The following TPST1 variants were observed in gnomAD, a reference collection of about 807,000 sequenced individuals.
TPST1 encodes the protein tyrosylprotein sulfotransferase 1.
Under a neutral mutation model 34.8 loss-of-function variants are expected in TPST1, and 20 were observed. The observed-to-expected ratio is 0.57, with a 90% confidence interval of 0.40 to 0.84. The LOEUF (loss-of-function observed/expected upper bound fraction) is 0.84. Among genes scored for constraint, TPST1 ranks in the 40% least tolerant of loss-of-function variants. The pLI, the probability that TPST1 is intolerant of heterozygous loss-of-function variation, is 0.00. For synonymous variants in TPST1, 152 were observed against 159.4 expected (o/e 0.95, Z 0.35); for missense variants, 353 against 455.5 (o/e 0.78, Z 2.05).
intron 4 of TPST1, among the ~76,000 whole-genome samples, chr7:66,354,522 CAAAAAAAAAAAAA>C (rs66521537): frequency 6.3e-3 from 381 of 60,816 alleles, no homozygotes; most frequent in Admixed American, 0.011. Flanking sequence ...GAGTCTGTCT[CAAAAAAAAAAAAA>C]AAAAAAAAAA....
At chr7:66,337,390 A>G (rs1311631840) in intron 3 of TPST1, among the ~76,000 whole-genome samples, 1 of 149,068 alleles carries the variant, frequency 6.7e-6, no homozygotes, top group East Asian at 2.0e-4. Flanking sequence ...GCTCACTGCA[A>G]CCTGCACCTC....
intron 3 of TPST1, among the ~76,000 whole-genome samples, chr7:66,350,733 T>C (rs1792459831): frequency 6.6e-6 from 1 of 152,142 alleles, no homozygotes; most frequent in South Asian, 2.1e-4. Flanking sequence ...CCAATAACTT[T>C]CCTTAGTTTC....
At chr7:66,217,154 A>G (rs911877439) in intron 1 of TPST1, among the ~76,000 whole-genome samples, 5 of 152,196 alleles carry the variant, frequency 3.3e-5, no homozygotes, top group Non-Finnish European at 7.3e-5. Context: ...TGAGAACAAT[A>G]TATATTTTGC....
chr7:66,334,677 T>C (rs2116292183), intron 3 of TPST1, among the ~76,000 whole-genome samples: 1 of 149,184 alleles, frequency 6.7e-6, no homozygotes. Flanking sequence ...AATATCAACC[T>C]GAGTTCACCA....
intron 1 of TPST1, among the ~76,000 whole-genome samples, chr7:66,211,839 G>T (rs571916989): frequency 4.6e-5 from 7 of 152,282 alleles, no homozygotes; most frequent in African/African-American, 1.7e-4. Context: ...GGTGGTGGGT[G>T]CCTGTAGTCC....
At position 66,286,649 on chromosome 7, in the gene TPST1, A is replaced by G. The variant is rs754817303; in HGVS notation, c.984A>G (p.Pro328=). 9.4e-6 allele frequency: 15 copies of G among 1,601,948 alleles called. No homozygotes were observed. In the Admixed American group the frequency reaches 1.0e-4, roughly 11 times the overall value. ...APMLAKLGYD[P]YANPPNYGKP... Reference sequence around the variant, plus strand: ...TGCTTGCCAAGCTTGGATATGACCCATATGCCAACCCACCTAACTACGGAA... The same window carrying G: ...TGCTTGCCAAGCTTGGATATGACCCGTATGCCAACCCACCTAACTACGGAA... Residue 328 remains proline (P), a synonymous_variant, in exon 3 of 6, where the codon CCA becomes CCG. Transcript: ENST00000304842.
chr7:66,341,809 T>A (rs1306202323), intron 3 of TPST1, among the ~76,000 whole-genome samples: 1 of 152,138 alleles, frequency 6.6e-6, no homozygotes, highest in Non-Finnish European at 1.5e-5. Context: ...AAATCATAAA[T>A]GAACTGTAAT....
intron 1 of TPST1, among the ~76,000 whole-genome samples, chr7:66,218,410 T>A (rs1789469878): frequency 6.6e-6 from 1 of 152,234 alleles, no homozygotes; most frequent in Admixed American, 6.5e-5. Context: ...TTAATGTATG[T>A]AACATTTAAT....
chr7:66,320,845 G>A (rs925022199), intron 3 of TPST1, among the ~76,000 whole-genome samples: 4 of 152,094 alleles, frequency 2.6e-5, no homozygotes, highest in Admixed American at 2.0e-4. Context: ...TGATCTGCCC[G>A]CCTCAGCCTC....
At chr7:66,217,351 CATGT>C (rs1191265318) in intron 1 of TPST1, among the ~76,000 whole-genome samples, 1 of 152,068 alleles carries the variant, frequency 6.6e-6, no homozygotes, top group Non-Finnish European at 1.5e-5. Context: ...GTTTTTGCTT[CATGT>C]ATTTTAGGGC....
At chr7:66,337,665 T>C (rs1332769482) in intron 3 of TPST1, among the ~76,000 whole-genome samples, 4 of 152,216 alleles carry the variant, frequency 2.6e-5, no homozygotes, top group Non-Finnish European at 4.4e-5. Context: ...GACAATTGTT[T>C]AAGCAATAAA....
Position 66,296,353 on chromosome 7 carries a change from G to A in TPST1, c.1044+9644G>A, listed in dbSNP as rs1213752381. On this transcript the variant is annotated intron_variant, in intron 3 of 5. Transcript: ENST00000304842. ...TAGTGGTGTTTTTGGGCCTTTTGTG[G>A]TAATGCATACAAACTGACAGTCTTG... Among the ~76,000 whole-genome samples, 6 of 149,594 alleles carry A rather than the reference G, an allele frequency of 4.0e-5. No homozygotes were observed. In the East Asian group the frequency reaches 1.2e-3, roughly 30 times the overall value.
intron 1 of TPST1, among the ~76,000 whole-genome samples, chr7:66,210,962 G>A (rs1332622446): frequency 6.6e-6 from 1 of 151,702 alleles, no homozygotes; most frequent in South Asian, 2.1e-4. Context: ...GAGTGAGACC[G>A]TCTGTCTGTC....
intron 2 of TPST1, among the ~76,000 whole-genome samples, chr7:66,245,906 T>C (rs1199770742): frequency 1.3e-5 from 2 of 152,224 alleles, no homozygotes; most frequent in Non-Finnish European, 2.9e-5. Context: ...TGTTTTTGTT[T>C]TTGTTTTCAT....
At chr7:66,260,363 T>C (rs1790464735) in intron 2 of TPST1, among the ~76,000 whole-genome samples, 1 of 152,194 alleles carries the variant, frequency 6.6e-6, no homozygotes, top group Admixed American at 6.6e-5. Context: ...AATTTCCCAC[T>C]TGTGGAGTCA....
intron 3 of TPST1, among the ~76,000 whole-genome samples, chr7:66,339,903 C>G (rs897186965): frequency 6.7e-6 from 1 of 149,374 alleles, no homozygotes; most frequent in Admixed American, 6.7e-5. Flanking sequence ...ATTCAGCATA[C>G]CCAAATCAAT....
At chr7:66,205,088 A>C (rs1329748628), upstream of TPST1, 1 of 152,146 alleles carries the variant, frequency 6.6e-6, no homozygotes, top group African/African-American at 2.4e-5. The surrounding 1 kb of genome is among the most constrained non-coding windows in gnomAD (Gnocchi z 5.0). Context: ...GGCTGCCGGG[A>C]AGCCCCCTCG....
chr7:66,285,057 T>C (rs953643996), intron 2 of TPST1, among the ~76,000 whole-genome samples: 1 of 152,194 alleles, frequency 6.6e-6, no homozygotes, highest in South Asian at 2.1e-4. Flanking sequence ...TTATTCCTTA[T>C]TATCTTCAAG....
chr7:66,301,002 T>C (rs1018236933), intron 3 of TPST1, among the ~76,000 whole-genome samples: 3 of 151,778 alleles, frequency 2.0e-5, no homozygotes, highest in African/African-American at 7.3e-5. Flanking sequence ...CCTTGATCCA[T>C]GGACTACAGA....
Sources: allele counts gnomAD v4.1 joint callset (sites outside exome capture counted in the v4.1 genomes callset), GRCh38; gene constraint gnomAD v4.1.1; non-coding constraint Gnocchi (gnomAD v3.1); transcripts MANE v1.5; gene names NCBI Gene and HGNC (gene_info 2026-07-23, HGNC 2026-07-21).